EVI5: variants seen among roughly 807,000 people sequenced by gnomAD.
The protein encoded by EVI5 is ecotropic viral integration site 5 protein homolog.
A neutral mutation model predicts 112.0 loss-of-function variants in EVI5; 73 were observed. The ratio of observed to expected loss-of-function variants is 0.65; its 90% CI spans 0.54 to 0.79. EVI5 has a LOEUF of 0.79. Ranked by LOEUF, EVI5 falls within the 30% of genes least tolerant of loss-of-function variation. The pLI is 0.00. For missense variants in EVI5, 900 were observed against 968.8 expected (o/e 0.93, Z 0.94); for synonymous variants, 305 against 319.9 (o/e 0.95, Z 0.50).
chr1:92,747,339 G>A (rs1233621605), intron 1 of EVI5, among the ~76,000 whole-genome samples: 1 of 152,096 alleles, frequency 6.6e-6, no homozygotes, highest in Non-Finnish European at 1.5e-5. Context: ...CCAATCCCCT[G>A]CAGATGCAGC....
At chr1:92,726,074 CA>C (rs1675524372) in intron 2 of EVI5, among the ~76,000 whole-genome samples, 1 of 152,266 alleles carries the variant, frequency 6.6e-6, no homozygotes, top group East Asian at 1.9e-4. Context: ...AGCTGTGGAA[CA>C]ACTTCAAGTG....
intron 18 of EVI5, among the ~76,000 whole-genome samples, chr1:92,569,051 T>C (rs958004735): frequency 6.6e-6 from 1 of 152,234 alleles, no homozygotes. Context: ...AACCATTTTC[T>C]GTAGAGTTTA....
chr1:92,759,065 C>T (rs567187458), intron 1 of EVI5, among the ~76,000 whole-genome samples: 1 of 152,182 alleles, frequency 6.6e-6, no homozygotes, highest in Admixed American at 6.6e-5. Flanking sequence ...CCCATCTCTA[C>T]CGAAAATACA....
intron 2 of EVI5, among the ~76,000 whole-genome samples, chr1:92,706,878 A>G (rs965713815): frequency 2.6e-5 from 4 of 152,168 alleles, no homozygotes; most frequent in African/African-American, 9.6e-5. Context: ...AAACTCCTAA[A>G]AACAAAATAC....
chr1:92,523,781 G>T (rs1209162254), intron 19 of EVI5, among the ~76,000 whole-genome samples: 6 of 152,096 alleles, frequency 3.9e-5, no homozygotes, highest in Non-Finnish European at 8.8e-5. Context: ...CAGTAATTTG[G>T]TATGTATAAT....
chr1:92,781,720 T>A (rs1684880941), intron 1 of EVI5, among the ~76,000 whole-genome samples: 1 of 151,594 alleles, frequency 6.6e-6, no homozygotes, highest in Non-Finnish European at 1.5e-5. Context: ...AGGCTGAGGC[T>A]GGTGTAGGTG....
chr1:92,612,986 A>C (rs1420686832), intron 16 of EVI5, among the ~76,000 whole-genome samples: 3 of 152,238 alleles, frequency 2.0e-5, no homozygotes, highest in African/African-American at 7.2e-5. Flanking sequence ...GTACACACAC[A>C]AAAGACTGGT....
intron 2 of EVI5, 124 bp from the exon 3 acceptor site, chr1:92,704,868 T>C: frequency 4.9e-6 from 2 of 409,666 alleles, no homozygotes; most frequent in South Asian, 2.5e-4. Flanking sequence ...TTTAATAATA[T>C]ACATAATTTA....
intron 1 of EVI5, among the ~76,000 whole-genome samples, chr1:92,775,233 A>G (rs1683958470): frequency 6.6e-6 from 1 of 151,978 alleles, no homozygotes; most frequent in Admixed American, 6.6e-5. Flanking sequence ...TTCAAGACCA[A>G]CCTGGCCAAC....
chr1:92,597,250 T>C (rs1648118564), intron 18 of EVI5, among the ~76,000 whole-genome samples: 1 of 152,198 alleles, frequency 6.6e-6, no homozygotes, highest in South Asian at 2.1e-4. Context: ...CTCTTTATTC[T>C]GATTAAGATA....
chr1:92,535,390 C>T (rs1354575011), intron 19 of EVI5, among the ~76,000 whole-genome samples: 1 of 152,122 alleles, frequency 6.6e-6, no homozygotes, highest in African/African-American at 2.4e-5. Flanking sequence ...CCATTTGACC[C>T]AGCAATCCCC....
chr1:92,648,403 T>TA (rs767460793), intron 13 of EVI5, among the ~76,000 whole-genome samples: 405 of 150,722 alleles, frequency 2.7e-3, no homozygotes, highest in Non-Finnish European at 4.5e-3. Flanking sequence ...AATAAAAAAA[T>TA]AAAAAAAATA....
At chr1:92,544,007 G>A (rs1665268495) in intron 19 of EVI5, among the ~76,000 whole-genome samples, 1 of 152,110 alleles carries the variant, frequency 6.6e-6, no homozygotes. Flanking sequence ...ATAAATAAAA[G>A]CACTGACACA....
intron 19 of EVI5, among the ~76,000 whole-genome samples, chr1:92,515,954 T>G (rs1304408721): frequency 6.6e-6 from 1 of 152,138 alleles, no homozygotes; most frequent in African/African-American, 2.4e-5. Flanking sequence ...TATAGTGAGG[T>G]ACAACGTAAT....
At chr1:92,620,611 G>C (rs1260320227) in intron 16 of EVI5, among the ~76,000 whole-genome samples, 1 of 152,072 alleles carries the variant, frequency 6.6e-6, no homozygotes, top group Non-Finnish European at 1.5e-5. Context: ...GAAGATAGCA[G>C]AGTGATTTAA....
At chr1:92,646,807 T>C (rs1170461567) in intron 13 of EVI5, among the ~76,000 whole-genome samples, 1 of 152,230 alleles carries the variant, frequency 6.6e-6, no homozygotes, top group Non-Finnish European at 1.5e-5. Context: ...TTGGGGATGT[T>C]TGGAAATATG....
intron 1 of EVI5, among the ~76,000 whole-genome samples, chr1:92,751,609 C>T (rs967668095): frequency 6.6e-6 from 1 of 151,836 alleles, no homozygotes; most frequent in African/African-American, 2.4e-5. Flanking sequence ...TCCTCTACTA[C>T]CTTCCTGAAA....
chr1:92,648,632 T>C (rs956816368), intron 13 of EVI5, among the ~76,000 whole-genome samples: 5 of 152,236 alleles, frequency 3.3e-5, no homozygotes, highest in African/African-American at 1.2e-4. Context: ...TCATACAATA[T>C]GTGATCTTTT....
At chr1:92,695,786 G>A (rs1274657827) in intron 6 of EVI5, among the ~76,000 whole-genome samples, 1 of 152,056 alleles carries the variant, frequency 6.6e-6, no homozygotes, top group African/African-American at 2.4e-5. Flanking sequence ...ATTTTAAAAA[G>A]ACGTTTAAAA....
Sources: gnomAD v4.1 joint callset for allele counts (sites outside exome capture counted in the v4.1 genomes callset) on GRCh38, gnomAD v4.1.1 for gene constraint, MANE v1.5 for transcripts, NCBI Gene and HGNC (gene_info 2026-07-23, HGNC 2026-07-21) for gene names.